Variants in ANKRD26 observed in about 807,000 individuals in gnomAD.
ANKRD26 encodes the protein ankyrin repeat domain-containing protein 26.
ANKRD26 carries 141 observed loss-of-function variants against 208.7 expected under a neutral mutation model. That is an observed-to-expected ratio of 0.68 (90% CI 0.59 to 0.78). ANKRD26 has a LOEUF of 0.78. ANKRD26 is among the 30% of genes least tolerant of loss of function. ANKRD26 has a pLI of 0.00. For synonymous variants in ANKRD26, 636 were observed against 660.4 expected (o/e 0.96, Z 0.57); for missense variants, 1,889 against 1,938.7 (o/e 0.97, Z 0.48).
the ANKRD26 span, among the ~76,000 whole-genome samples, chr10:26,952,862 A>G: frequency 6.6e-6 from 1 of 152,200 alleles, no homozygotes; most frequent in Non-Finnish European, 1.5e-5. Context: ...GGTAACTGCT[A>G]AAGAACAGAC....
intron 9 of ANKRD26, 96 bp downstream of exon 9, chr10:27,077,242 C>CA: frequency 8.9e-7 from 1 of 1,117,892 alleles, no homozygotes; most frequent in South Asian, 1.3e-5. Flanking sequence ...TAATTAGAAA[C>CA]AAAAACTGTA....
intron 5 of ANKRD26, among the ~76,000 whole-genome samples, chr10:26,976,498 A>G (rs1022817834): frequency 6.6e-6 from 1 of 152,110 alleles, no homozygotes; most frequent in African/African-American, 2.4e-5. Context: ...TACAGGCCTG[A>G]GCCACCGCAT....
intron 4 of ANKRD26, among the ~76,000 whole-genome samples, chr10:26,982,304 T>C (rs1029381904): frequency 1.3e-5 from 2 of 152,184 alleles, no homozygotes; most frequent in Admixed American, 6.5e-5. Context: ...TGCAGCCATC[T>C]TATTTACAAA....
chr10:26,990,283 A>C (rs1236068792), downstream of ANKRD26, among the ~76,000 whole-genome samples: 1 of 152,206 alleles, frequency 6.6e-6, no homozygotes, highest in Non-Finnish European at 1.5e-5. Flanking sequence ...GATGAAACTT[A>C]TGTTCCACAG....
chr10:26,975,424 G>A (rs12775616), exon 6 of ANKRD26, among the ~76,000 whole-genome samples: 102,828 of 122,598 alleles, frequency 0.84, 43,774 homozygotes, highest in East Asian at 0.99. Context: ...TTTTTTTGGT[G>A]TAGTTGAGGT....
chr10:27,086,162 C>A (rs1244880231), intron 5 of ANKRD26, among the ~76,000 whole-genome samples: 1 of 151,892 alleles, frequency 6.6e-6, no homozygotes, highest in Non-Finnish European at 1.5e-5. Flanking sequence ...TAAACACAAA[C>A]CATTTATTAT....
At chr10:26,997,061 T>TAA (rs140829101) in intron 4 of ANKRD26, among the ~76,000 whole-genome samples, 3 of 151,216 alleles carry the variant, frequency 2.0e-5, no homozygotes, top group Non-Finnish European at 4.4e-5. Context: ...CACCTTTTGA[T>TAA]AAAAAAAAAT....
At chr10:27,071,357 G>T (rs572514338) in intron 9 of ANKRD26, among the ~76,000 whole-genome samples, 48 of 148,554 alleles carry the variant, frequency 3.2e-4, no homozygotes, top group African/African-American at 1.2e-3. Context: ...TTTTTTTTTA[G>T]TAGGGACGGG....
At chr10:26,995,345 G>C (rs1004276234) in intron 4 of ANKRD26, among the ~76,000 whole-genome samples, 27 of 152,170 alleles carry the variant, frequency 1.8e-4, no homozygotes, top group Admixed American at 9.8e-4. Flanking sequence ...TGTATAGAAG[G>C]GAAGTGGCTG....
intron 7 of ANKRD26, 83 bp downstream of exon 7, chr10:27,079,006 T>C (rs1251633630): frequency 4.3e-6 from 5 of 1,155,608 alleles, no homozygotes; most frequent in Non-Finnish European, 5.2e-6. Flanking sequence ...CAATGATAAG[T>C]AGACCACTGC....
intron 21 of ANKRD26, among the ~76,000 whole-genome samples, chr10:27,039,513 C>A (rs529607396): frequency 2.0e-5 from 3 of 150,638 alleles, no homozygotes; most frequent in South Asian, 2.1e-4. Flanking sequence ...TTGATTGAAA[C>A]GTAAATTAAC....
chr10:26,999,885 T>C (rs1451612184), downstream of ANKRD26, among the ~76,000 whole-genome samples: 1 of 142,420 alleles, frequency 7.0e-6, no homozygotes, highest in Non-Finnish European at 1.5e-5. Context: ...AGCAAAACAA[T>C]GATCACACAA....
intron 25 of ANKRD26, chr10:27,030,246 C>T (rs2053819704): frequency 9.3e-6 from 3 of 324,128 alleles, no homozygotes; most frequent in South Asian, 1.2e-4. Context: ...GCCCAGAATA[C>T]ACCCCTAGTA....
the ANKRD26 span, among the ~76,000 whole-genome samples, chr10:26,965,112 C>A: frequency 7.6e-4 from 115 of 152,168 alleles, no homozygotes; most frequent in African/African-American, 2.6e-3. Context: ...ACTTTCTTCA[C>A]AGAATTGGAA....
At chr10:26,983,940 C>T (rs992859912) in intron 3 of ANKRD26, among the ~76,000 whole-genome samples, 6 of 152,094 alleles carry the variant, frequency 3.9e-5, no homozygotes, top group African/African-American at 1.4e-4. Flanking sequence ...CAGGCTGGAG[C>T]CACTGGAAAT....
At position 27,077,753 on chromosome 10, in the gene ANKRD26, T is replaced by G. The variant is rs1016064420; in HGVS notation, c.814-60A>C. 3 of 1,397,422 alleles carry G rather than the reference T, an allele frequency of 2.1e-6. No individual in the cohort carries two copies. In the African/African-American group the frequency reaches 4.3e-5, roughly 20 times the overall value. 86.6% of individuals were successfully genotyped at this position (1,397,422 alleles called of 1,614,324 possible). A position where few individuals can be genotyped will look rare whatever the true frequency, so the allele number is the denominator to read the frequency against. ...AAAACAAGTATCAAATTTGATAAAA[T>G]AATCGTAATAGATAGTCACCATTAC... On this transcript the variant is annotated intron_variant, in intron 7 of 33. Coordinates refer to ENST00000376087, the MANE Select transcript of ANKRD26 (RefSeq NM_014915.3).
chr10:27,065,056 T>G (rs1240170811), intron 11 of ANKRD26, among the ~76,000 whole-genome samples: 1 of 152,174 alleles, frequency 6.6e-6, no homozygotes, highest in Admixed American at 6.5e-5. Flanking sequence ...CAGAATGCCC[T>G]CCTTCTAGCC....
chr10:27,096,127 T>C (rs1457469761), intron 1 of ANKRD26, among the ~76,000 whole-genome samples: 1 of 152,240 alleles, frequency 6.6e-6, no homozygotes, highest in East Asian at 1.9e-4. Context: ...CTCTCAGGCT[T>C]GATTTCCTGG....
chr10:27,091,738 C>T (rs919897951), intron 4 of ANKRD26, among the ~76,000 whole-genome samples: 15 of 152,144 alleles, frequency 9.9e-5, no homozygotes, highest in African/African-American at 3.6e-4. Flanking sequence ...CCTGTAATCC[C>T]AGTACTTTGG....
Sources: allele counts gnomAD v4.1 joint callset (sites outside exome capture counted in the v4.1 genomes callset), GRCh38; gene constraint gnomAD v4.1.1; transcripts MANE v1.5; gene names NCBI Gene and HGNC (gene_info 2026-07-23, HGNC 2026-07-21).